The following RIF1 variants were observed in gnomAD, a reference collection of about 807,000 sequenced individuals.
RIF1 encodes telomere-associated protein RIF1.
RIF1 carries 45 observed loss-of-function variants against 247.1 expected under a neutral mutation model. That is an observed-to-expected ratio of 0.18 (90% confidence interval 0.14 to 0.23). The LOEUF (loss-of-function observed/expected upper bound fraction) is 0.23. Among genes scored for constraint, RIF1 ranks in the 10% least tolerant of loss-of-function variants. RIF1 has a pLI of 1.00. For synonymous variants in RIF1, 1,087 were observed against 978.8 expected (o/e 1.11, Z -2.06); for missense variants, 2,967 against 2,862.5 (o/e 1.04, Z -0.83).
intron 6 of RIF1, among the ~76,000 whole-genome samples, chr2:151,417,535 G>T (rs1687417170): frequency 1.3e-5 from 2 of 152,088 alleles, no homozygotes; most frequent in South Asian, 4.1e-4. Flanking sequence ...TGCATCCTTG[G>T]ATTCAACCAA....
At chr2:151,493,769 A>C (rs757309889) in intron 9 of RIF1, 1 of 1,543,578 alleles carries the variant, frequency 6.5e-7, no homozygotes, top group Non-Finnish European at 8.8e-7. Flanking sequence ...TTCCTTTCTA[A>C]AATACCGAGC....
At chr2:151,412,579 C>T (rs1240551850) in intron 3 of RIF1, among the ~76,000 whole-genome samples, 2 of 152,118 alleles carry the variant, frequency 1.3e-5, no homozygotes, top group East Asian at 3.9e-4. Context: ...CCTCTGCCTC[C>T]CAGGTTCAAG....
At chr2:151,506,873 G>A (rs2069461070) in intron 13 of RIF1, 1 of 1,334,578 alleles carries the variant, frequency 7.5e-7, no homozygotes, top group Admixed American at 1.7e-5. Context: ...GAAATGACTA[G>A]GTTAGCATTA....
At chr2:151,455,635 A>G (rs959868972) in intron 22 of RIF1, among the ~76,000 whole-genome samples, 2 of 147,380 alleles carry the variant, frequency 1.4e-5, no homozygotes, top group Admixed American at 1.4e-4. Context: ...ATTAGATATT[A>G]TAAGGAATCT....
chr2:151,471,555 A>G (rs541913654), intron 34 of RIF1, among the ~76,000 whole-genome samples: 2 of 152,312 alleles, frequency 1.3e-5, no homozygotes, highest in South Asian at 4.1e-4. Flanking sequence ...TATAAGGTGT[A>G]AGGAAGGGAT....
At chr2:151,455,315 A>T (rs1354850519) in intron 22 of RIF1, among the ~76,000 whole-genome samples, 156 bp downstream of exon 22, 2 of 152,212 alleles carry the variant, frequency 1.3e-5, no homozygotes, top group African/African-American at 4.8e-5. Context: ...GATAGTTAAA[A>T]TAGTATAGAA....
At position 151,469,773 on chromosome 2, in the gene RIF1, C is replaced by T; in HGVS notation, c.7004C>T (p.Thr2335Ile). Residue 2335 changes from threonine to isoleucine, a missense_variant, in exon 34 of 36, where the codon ACT becomes ATT. Physicochemically the swap from Thr to Ile is moderately conservative, Grantham distance 89. This residue lies in a region of RIF1 where 151 missense variants were observed against 163.4 expected (regional missense o/e 0.92). Coordinates refer to ENST00000444746, the MANE Select transcript of RIF1 (RefSeq NM_018151.5). Reference protein sequence around the residue: ...KNIKTIGDLSTLTASEIKTLP... With the variant: ...KNIKTIGDLSILTASEIKTLP... ...ATAAAAACTATTGGTGATTTGAGTA[C>T]TCTTACAGCATCTGAAATAAAAACT... 6.2e-7 allele frequency: 1 copy of T among 1,611,456 alleles called. No individual in the cohort carries two copies. Among genetic ancestry groups the T allele is most frequent in the Non-Finnish European group, 8.5e-7 (1 of 1,178,070 alleles).
chr2:151,457,207 G>C (rs570694103), intron 23 of RIF1, among the ~76,000 whole-genome samples: 2 of 151,560 alleles, frequency 1.3e-5, no homozygotes, highest in African/African-American at 4.9e-5. Flanking sequence ...CCACACCCCT[G>C]CCCTCCTGGG....
In RIF1 at chr2:151,506,762, A is replaced by C. The variant is rs2069339201; in HGVS notation, c.*1027+387A>C. On this transcript the variant is annotated intron_variant and NMD_transcript_variant, in intron 13 of 13. Transcript: ENST00000454583. ...GTCTCTGGAGATGATTTTGGAGCAA[A>C]GTATTGGGGATTTTAGCAAATCACT... 5.0e-6 allele frequency: 3 copies of C among 600,888 alleles called. No individual in the cohort carries two copies. In the South Asian group the frequency reaches 6.4e-5, roughly 13 times the overall value. 37.2% of individuals were successfully genotyped at this position (600,888 alleles called of 1,614,324 possible).
intron 9 of RIF1, among the ~76,000 whole-genome samples, chr2:151,431,121 TA>T (rs1256115326): frequency 6.6e-6 from 1 of 152,114 alleles, no homozygotes; most frequent in East Asian, 1.9e-4. Flanking sequence ...AAGTTAAAAA[TA>T]AGTTCAGAGC....
At chr2:151,525,365 T>C in the RIF1 span, 2 of 929,988 alleles carry the variant, frequency 2.2e-6, no homozygotes, top group Non-Finnish European at 1.7e-6. Context: ...GGAAAATCCA[T>C]GCTCCCCATT....
At chr2:151,458,980 G>C in intron 25 of RIF1, 70 bp downstream of exon 25, 1 of 877,206 alleles carries the variant, frequency 1.1e-6, no homozygotes, top group Non-Finnish European at 1.8e-6. Context: ...TTATAAATAA[G>C]TAGAACCTGA....
chr2:151,461,552 C>T (rs561108080), intron 27 of RIF1, among the ~76,000 whole-genome samples: 17 of 152,072 alleles, frequency 1.1e-4, no homozygotes, highest in Middle Eastern at 3.4e-3. Flanking sequence ...CCACCACGCC[C>T]GGCTAATTTT....
downstream of RIF1, chr2:151,483,087 T>G (rs568798433): frequency 4.3e-4 from 56 of 129,302 alleles, no homozygotes; most frequent in East Asian, 0.012. Context: ...GCCTTGGGGG[T>G]TAGGACTTAA....
At chr2:151,467,799 A>G (rs1697188179) in intron 30 of RIF1, among the ~76,000 whole-genome samples, 1 of 152,122 alleles carries the variant, frequency 6.6e-6, no homozygotes. Flanking sequence ...ACAGTTTAAA[A>G]TATAGAAAAT....
chr2:151,471,664 A>G (rs1314407164), intron 34 of RIF1, among the ~76,000 whole-genome samples: 1 of 152,136 alleles, frequency 6.6e-6, no homozygotes, highest in Non-Finnish European at 1.5e-5. Flanking sequence ...AGGTTTGTCA[A>G]AGACCAGATG....
intron 3 of RIF1, among the ~76,000 whole-genome samples, chr2:151,412,524 G>T (rs149815235): frequency 1.3e-5 from 2 of 152,136 alleles, no homozygotes; most frequent in Non-Finnish European, 2.9e-5. Context: ...GTCTTGCTGT[G>T]TCGCCCGTGC....
intron 27 of RIF1, among the ~76,000 whole-genome samples, chr2:151,461,666 A>G (rs1343133967): frequency 6.6e-6 from 1 of 152,166 alleles, no homozygotes; most frequent in Non-Finnish European, 1.5e-5. Context: ...TGCTGGGATT[A>G]CAGGTGTGAG....
intron 20 of RIF1, among the ~76,000 whole-genome samples, chr2:151,450,320 CTG>C (rs557845984): frequency 3.9e-4 from 60 of 152,196 alleles, no homozygotes; most frequent in African/African-American, 1.4e-3. Flanking sequence ...TGTGTTATAA[CTG>C]TGATAATGTA....
Sources: gnomAD v4.1 joint callset for allele counts (sites outside exome capture counted in the v4.1 genomes callset) on GRCh38, gnomAD v4.1.1 for gene constraint, gnomAD v4.1.1 regional missense constraint, MANE v1.5 for transcripts, NCBI Gene and HGNC (gene_info 2026-07-23, HGNC 2026-07-21) for gene names.